FAM193A: variants seen among roughly 807,000 people sequenced by gnomAD.
FAM193A encodes protein FAM193A.
A neutral mutation model predicts 126.5 loss-of-function variants in FAM193A; 22 were observed. The ratio of observed to expected loss-of-function variants is 0.17; its 90% CI spans 0.12 to 0.25. The LOEUF (loss-of-function observed/expected upper bound fraction) is 0.25. Among genes scored for constraint, FAM193A ranks in the 10% least tolerant of loss-of-function variants. The pLI is 1.00. For missense variants in FAM193A, 1,675 were observed against 1,672.8 expected, an observed-to-expected ratio of 1.00 and a Z score of -0.02; for synonymous variants, 761 against 646.8, an observed-to-expected ratio of 1.18 and a Z score of -2.68.
At chr4:2,700,967 A>AATAT (rs201774711) in intron 19 of FAM193A, among the ~76,000 whole-genome samples, 1 of 149,762 alleles carries the variant, frequency 6.7e-6, no homozygotes, top group African/African-American at 2.5e-5. Flanking sequence ...CATCTCAAAA[A>AATAT]ATACATATAG....
intron 4 of FAM193A, among the ~76,000 whole-genome samples, chr4:2,627,159 C>CT (rs11385994): frequency 0.39 from 49,751 of 126,248 alleles, 11,068 homozygotes; most frequent in Admixed American, 0.56. Flanking sequence ...TTTGATGTAA[C>CT]TTTTTTTTTT....
intron 19 of FAM193A, among the ~76,000 whole-genome samples, chr4:2,704,022 T>A (rs1718031568): frequency 1.3e-5 from 2 of 151,550 alleles, no homozygotes; most frequent in African/African-American, 2.4e-5. Flanking sequence ...TATCCCAACA[T>A]GTTGGGAGGC....
At chr4:2,704,584 A>T (rs192782907) in intron 19 of FAM193A, among the ~76,000 whole-genome samples, 1 of 152,094 alleles carries the variant, frequency 6.6e-6, no homozygotes, top group African/African-American at 2.4e-5. Context: ...TAAAATAAAA[A>T]TTTTTAAAAA....
chr4:2,676,226 T>A (rs1344296053), intron 13 of FAM193A, among the ~76,000 whole-genome samples: 4 of 152,260 alleles, frequency 2.6e-5, no homozygotes, highest in African/African-American at 4.8e-5. Context: ...TGCACCATTT[T>A]ACATTCCCAC....
intron 1 of FAM193A, among the ~76,000 whole-genome samples, chr4:2,572,267 T>A (rs1739335978): frequency 6.7e-6 from 1 of 148,850 alleles, no homozygotes; most frequent in Non-Finnish European, 1.5e-5. Context: ...AGGCAGAGGT[T>A]GCCGTGAGCC....
At position 2,642,134 on chromosome 4, in the gene FAM193A, CAAA is replaced by C. The variant is rs35799531; in HGVS notation, c.1163+2293_1163+2295del. Among the ~76,000 whole-genome samples the C allele has an allele frequency of 3.9e-3, 334 of 86,200 alleles. 2 individuals are homozygous for C. The highest frequency in any genetic ancestry group is 6.1e-3 in the Middle Eastern group (1 of 164). The allele number at this position is 86,200 out of a possible 152,430, so 56.6% of individuals were successfully genotyped here. ...TGAAACCCCGTCTCTACTAAAAATA[CAAA>C]AAAAAAAAAAAAAAAAATTAGCTGG... On this transcript the variant is annotated intron_variant, in intron 6 of 20. Transcript: ENST00000637812.
At chr4:2,668,503 G>A (rs1008216904) in intron 12 of FAM193A, among the ~76,000 whole-genome samples, 10 of 151,950 alleles carry the variant, frequency 6.6e-5, no homozygotes, top group Non-Finnish European at 1.2e-4. Context: ...GAGCCACCAC[G>A]CCCGCCCACA....
chr4:2,537,400 G>C lies in FAM193A; in HGVS notation c.255+230G>C, dbSNP rs569128577. On this transcript the variant is annotated intron_variant, in intron 1 of 20. Transcript: ENST00000637812. The stretch of plus-strand genomic sequence containing the variant: ...TGTCAGCCTCTTGAGAGGAGAACCT[G>C]AGCAGAGGCGGCGGGAGGGCTACAC... Among the ~76,000 whole-genome samples the C allele has an allele frequency of 1.2e-4, 19 of 152,318 alleles. No homozygotes were observed. The East Asian group carries it at 3.5e-3, about 28-fold the overall frequency.
At chr4:2,677,000 G>A (rs1200537122) in intron 13 of FAM193A, among the ~76,000 whole-genome samples, 3 of 152,072 alleles carry the variant, frequency 2.0e-5, no homozygotes, top group Non-Finnish European at 4.4e-5. Flanking sequence ...TGTGCCTTTG[G>A]CGTTACATCC....
chr4:2,591,489 C>T (rs559991826), intron 1 of FAM193A, among the ~76,000 whole-genome samples: 7 of 152,206 alleles, frequency 4.6e-5, no homozygotes, highest in Non-Finnish European at 7.4e-5. Context: ...GAAGGCCGGT[C>T]GGCAGGAGGT....
intron 5 of FAM193A, 132 bp downstream of exon 5, chr4:2,631,301 C>G (rs1294053127): frequency 2.7e-6 from 2 of 752,406 alleles, no homozygotes; most frequent in Non-Finnish European, 4.2e-6. Flanking sequence ...CCCCTCTTCT[C>G]TACGGGAGAG....
In FAM193A at chr4:2,626,548, C is replaced by A; in HGVS notation, c.774C>A (p.Asp258Glu). The A allele has an allele frequency of 1.4e-6, 1 of 701,942 alleles. No homozygotes were observed. 43.5% of individuals were successfully genotyped at this position (701,942 alleles called of 1,614,324 possible). Residue 258 changes from aspartate (D) to glutamate (E), a missense_variant, in exon 4 of 21, where the codon GAC (aspartate) becomes GAA (glutamate). Asp to Glu is a conservative substitution (Grantham distance 45). Around this residue, in one of 4 missense-constraint regions of FAM193A, gnomAD observed 1,186 missense variants for 1,109.2 expected, o/e 1.07. Coordinates refer to ENST00000637812, the MANE Select transcript of FAM193A (RefSeq NM_001366318.2). ...ACCAGGACCAGTCTCTGGTGCCTGA[C>A]AAGGAGGGAGTGAAGGAGCTCGTGG... ...ADDQDQSLVP[D>E]KEGVKELVDR...
intron 2 of FAM193A, chr4:2,608,165 A>T: frequency 6.3e-7 from 1 of 1,577,948 alleles, no homozygotes; most frequent in South Asian, 1.1e-5. Flanking sequence ...ATAAAAATTT[A>T]AAATACCAAG....
intron 13 of FAM193A, among the ~76,000 whole-genome samples, chr4:2,679,676 C>T (rs529570061): frequency 4.7e-4 from 71 of 152,098 alleles, no homozygotes; most frequent in African/African-American, 1.5e-3. Flanking sequence ...CCGCGCCCGA[C>T]CCTGTAGTTT....
At chr4:2,729,938 C>T (rs1012667459) in intron 20 of FAM193A, among the ~76,000 whole-genome samples, 1 of 152,052 alleles carries the variant, frequency 6.6e-6, no homozygotes, top group South Asian at 2.1e-4. Context: ...CGGGTCTCAC[C>T]TTTGTCACCC....
At chr4:2,711,280 C>G (rs115551078) in intron 19 of FAM193A, among the ~76,000 whole-genome samples, 407 of 152,120 alleles carry the variant, frequency 2.7e-3, no homozygotes, top group African/African-American at 7.6e-3. Flanking sequence ...TTCCTCTGAT[C>G]TTTTTCTTAA....
intron 20 of FAM193A, among the ~76,000 whole-genome samples, chr4:2,724,798 C>A (rs759718950): frequency 6.6e-6 from 1 of 152,142 alleles, no homozygotes; most frequent in Non-Finnish European, 1.5e-5. Flanking sequence ...AACAGAAAAG[C>A]GGGCTGAGAA....
intron 20 of FAM193A, among the ~76,000 whole-genome samples, chr4:2,730,018 C>G (rs974165086): frequency 2.0e-5 from 3 of 152,188 alleles, no homozygotes; most frequent in African/African-American, 7.2e-5. Context: ...GATCCTCCCA[C>G]CTCAGCCCCG....
At chr4:2,681,982 T>G (rs566050399) in intron 13 of FAM193A, among the ~76,000 whole-genome samples, 2,330 of 148,964 alleles carry the variant, frequency 0.016, 57 homozygotes, top group African/African-American at 0.046. Context: ...GTTTTTTTTT[T>G]TTTGGTTTTT....
Sources: allele counts gnomAD v4.1 joint callset (sites outside exome capture counted in the v4.1 genomes callset), GRCh38; gene constraint gnomAD v4.1.1; regional missense constraint gnomAD v4.1.1; transcripts MANE v1.5; gene names NCBI Gene and HGNC (gene_info 2026-07-23, HGNC 2026-07-21).